EYS: variants seen among roughly 807,000 people sequenced by gnomAD.
EYS encodes the protein EGF-like photoreceptor maintenance factor.
In EYS, 250 loss-of-function variants were observed where a neutral mutation model predicts 282.1. That is an observed-to-expected ratio of 0.89 (90% CI 0.80 to 0.98). The LOEUF (loss-of-function observed/expected upper bound fraction) is 0.98. Among genes scored for constraint, EYS ranks in the 50% least tolerant of loss-of-function variants. The pLI is 0.00. For synonymous variants in EYS, 1,355 were observed against 1,282.9 expected, an observed-to-expected ratio of 1.06 and a Z score of -1.20; for missense variants, 4,016 against 3,709.0, an observed-to-expected ratio of 1.08 and a Z score of -2.15.
At chr6:64,181,349 T>C (rs868624640) in intron 31 of EYS, among the ~76,000 whole-genome samples, 1 of 152,074 alleles carries the variant, frequency 6.6e-6, no homozygotes, top group African/African-American at 2.4e-5. Flanking sequence ...CACTATTTAA[T>C]AAAAATAAAA....
intron 22 of EYS, among the ~76,000 whole-genome samples, chr6:64,668,371 G>T (rs929170430): frequency 2.6e-5 from 4 of 151,972 alleles, no homozygotes; most frequent in African/African-American, 7.3e-5. Context: ...TTCACAAAAA[G>T]GTCCCCTGCG....
chr6:64,670,336 C>T (rs984639395), intron 22 of EYS, among the ~76,000 whole-genome samples: 4 of 151,470 alleles, frequency 2.6e-5, no homozygotes, highest in East Asian at 1.9e-4. Flanking sequence ...CAGCCTTGAA[C>T]GAAGTCTACA....
chr6:64,894,690 A>G (rs1767398538), intron 18 of EYS, among the ~76,000 whole-genome samples: 1 of 152,120 alleles, frequency 6.6e-6, no homozygotes, highest in Non-Finnish European at 1.5e-5. Context: ...CCTCAGAGGT[A>G]TCTGAGGCTA....
chr6:64,310,606 G>A (rs747656767), intron 29 of EYS, among the ~76,000 whole-genome samples: 2 of 152,148 alleles, frequency 1.3e-5, no homozygotes, highest in Non-Finnish European at 2.9e-5. Context: ...GTGGAAGAAG[G>A]GAGAGGATGA....
At chr6:65,377,721 C>T (rs1198488831) in intron 8 of EYS, among the ~76,000 whole-genome samples, 1 of 152,000 alleles carries the variant, frequency 6.6e-6, no homozygotes, top group Non-Finnish European at 1.5e-5. Context: ...GAAATAAAAA[C>T]TACCAACAGA....
At chr6:65,648,314 A>ATATATGTGTGTGTGTGTGTGTG (rs373479571) in intron 1 of EYS, among the ~76,000 whole-genome samples, 23 of 147,792 alleles carry the variant, frequency 1.6e-4, no homozygotes, top group African/African-American at 5.7e-4. Context: ...AAGAAAATAT[A>ATATATGTGTGTGTGTGTGTGTG]TGTGTGTGTG....
intron 1 of EYS, among the ~76,000 whole-genome samples, chr6:65,647,036 A>C (rs1394102323): frequency 6.6e-6 from 1 of 152,228 alleles, no homozygotes; most frequent in African/African-American, 2.4e-5. Flanking sequence ...ATGGAAACAC[A>C]TTCCATGCTC....
At chr6:65,238,867 GA>G (rs5876953) in intron 12 of EYS, among the ~76,000 whole-genome samples, 51,928 of 151,732 alleles carry the variant, frequency 0.34, 10,385 homozygotes, top group African/African-American at 0.56. Flanking sequence ...TAACATAACT[GA>G]AGATGAACAA....
intron 26 of EYS, among the ~76,000 whole-genome samples, chr6:64,550,315 G>T (rs758080080): frequency 1.6e-4 from 25 of 152,142 alleles, no homozygotes; most frequent in Non-Finnish European, 3.2e-4. Context: ...TCGCCACTCT[G>T]ACTTCCATAA....
intron 1 of EYS, among the ~76,000 whole-genome samples, chr6:65,658,510 AT>A (rs893159701): frequency 4.6e-5 from 7 of 151,814 alleles, no homozygotes; most frequent in African/African-American, 1.7e-4. Context: ...GATTAGTAAA[AT>A]ATAGTTAAAA....
chr6:65,330,454 A>G, intron 11 of EYS: 11 of 984,350 alleles, frequency 1.1e-5, no homozygotes, highest in Non-Finnish European at 1.3e-5. Context: ...GTCTTAAGTA[A>G]CAATATGGCT....
intron 26 of EYS, among the ~76,000 whole-genome samples, chr6:64,587,885 C>T (rs1309728644): frequency 6.6e-6 from 1 of 151,864 alleles, no homozygotes; most frequent in Non-Finnish European, 1.5e-5. Context: ...GCATGTATAC[C>T]ATTGATTGAT....
chr6:65,381,094 G>C (rs1278115200), intron 8 of EYS, among the ~76,000 whole-genome samples: 1 of 152,056 alleles, frequency 6.6e-6, no homozygotes, highest in Non-Finnish European at 1.5e-5. Context: ...AATACCATTT[G>C]ACCCAGCAAT....
intron 12 of EYS, among the ~76,000 whole-genome samples, chr6:65,225,771 A>G (rs1410222943): frequency 6.6e-6 from 1 of 151,874 alleles, no homozygotes; most frequent in Non-Finnish European, 1.5e-5. Context: ...TTTAATTGAA[A>G]GAGACCAAAA....
At chr6:65,636,637 C>A (rs1562301883) in intron 2 of EYS, among the ~76,000 whole-genome samples, 1 of 152,146 alleles carries the variant, frequency 6.6e-6, no homozygotes, top group Non-Finnish European at 1.5e-5. Flanking sequence ...TTATCCACTT[C>A]TCTTTCCCAT....
chr6:64,159,559 TAAAAAAAAAA>T (rs35139594), intron 31 of EYS, among the ~76,000 whole-genome samples: 1 of 59,944 alleles, frequency 1.7e-5, no homozygotes, highest in South Asian at 8.1e-4. Context: ...GACTCTGTCT[TAAAAAAAAAA>T]AAAAAAAAAA....
intron 5 of EYS, among the ~76,000 whole-genome samples, chr6:65,467,532 C>A (rs1562202588): frequency 6.6e-6 from 1 of 151,882 alleles, no homozygotes; most frequent in African/African-American, 2.4e-5. Context: ...TACACACACA[C>A]ACAAACACTC....
chr6:64,978,303 A>G (rs538108541), intron 14 of EYS, among the ~76,000 whole-genome samples: 24 of 152,028 alleles, frequency 1.6e-4, no homozygotes, highest in Non-Finnish European at 1.3e-4. Flanking sequence ...CAGTCTTCCT[A>G]TGCTCTATAA....
chr6:64,124,517 A>T (rs970636474), intron 31 of EYS, among the ~76,000 whole-genome samples: 64 of 152,206 alleles, frequency 4.2e-4, no homozygotes, highest in African/African-American at 1.5e-3. Context: ...ACAGGCCGGA[A>T]TTTTAACACA....
Sources: gnomAD v4.1 joint callset for allele counts (sites outside exome capture counted in the v4.1 genomes callset) on GRCh38, gnomAD v4.1.1 for gene constraint, MANE v1.5 for transcripts, NCBI Gene and HGNC (gene_info 2026-07-23, HGNC 2026-07-21) for gene names.